Variants in RIMS2 observed in about 807,000 individuals in gnomAD.
RIMS2 encodes the protein regulating synaptic membrane exocytosis 2.
Under a neutral mutation model 174.4 loss-of-function variants are expected in RIMS2, and 59 were observed. The observed-to-expected ratio is 0.34, with a 90% CI of 0.27 to 0.42. RIMS2 has a LOEUF of 0.42. Ranked by LOEUF, RIMS2 falls within the 10% of genes least tolerant of loss-of-function variation. The pLI is 1.00. For missense variants in RIMS2, 1,620 were observed against 1,666.3 expected, an observed-to-expected ratio of 0.97 and a Z score of 0.48; for synonymous variants, 606 against 572.5, an observed-to-expected ratio of 1.06 and a Z score of -0.84.
intron 14 of RIMS2, among the ~76,000 whole-genome samples, chr8:103,949,164 A>C (rs1477658509): frequency 1.4e-5 from 2 of 145,254 alleles, no homozygotes. Context: ...GGGAAAGGGA[A>C]AGGGAAAGGG....
intron 1 of RIMS2, among the ~76,000 whole-genome samples, chr8:103,579,915 A>T (rs2093501827): frequency 6.6e-6 from 1 of 152,190 alleles, no homozygotes; most frequent in Non-Finnish European, 1.5e-5. Flanking sequence ...AGAGAGAGTG[A>T]AGACGGAGAT....
intron 19 of RIMS2, among the ~76,000 whole-genome samples, chr8:104,083,568 C>T (rs1010808008): frequency 3.9e-5 from 6 of 152,142 alleles, no homozygotes; most frequent in African/African-American, 9.7e-5. Context: ...TTCTTAGTGA[C>T]GGTTTCTTTA....
At chr8:103,508,589 TA>T (rs1824871378) in intron 1 of RIMS2, among the ~76,000 whole-genome samples, 1 of 151,986 alleles carries the variant, frequency 6.6e-6, no homozygotes, top group South Asian at 2.1e-4. Flanking sequence ...GTTCAGAGCC[TA>T]AAAAGCCTTC....
At chr8:103,817,712 C>T (rs2098726644) in intron 3 of RIMS2, among the ~76,000 whole-genome samples, 1 of 151,980 alleles carries the variant, frequency 6.6e-6, no homozygotes, top group Non-Finnish European at 1.5e-5. Context: ...GGGAGGCAGA[C>T]GTTGCAGTGA....
At chr8:103,594,423 C>T (rs975961479) in intron 1 of RIMS2, among the ~76,000 whole-genome samples, 11 of 151,530 alleles carry the variant, frequency 7.3e-5, no homozygotes, top group African/African-American at 2.7e-4. Context: ...GTTAATCAAT[C>T]AACAGTATGT....
At chr8:103,750,365 G>A (rs1165946447) in intron 2 of RIMS2, among the ~76,000 whole-genome samples, 1 of 152,060 alleles carries the variant, frequency 6.6e-6, no homozygotes, top group East Asian at 1.9e-4. Context: ...TCAGTTGACA[G>A]TTTTCTTTTC....
At chr8:103,822,036 A>G (rs1329855290) in intron 3 of RIMS2, among the ~76,000 whole-genome samples, 2 of 151,662 alleles carry the variant, frequency 1.3e-5, no homozygotes, top group Non-Finnish European at 3.0e-5. Context: ...TTGACATGGA[A>G]TATTCAATAT....
chr8:103,765,033 C>A (rs2098153931), intron 2 of RIMS2, among the ~76,000 whole-genome samples: 1 of 152,024 alleles, frequency 6.6e-6, no homozygotes, highest in Non-Finnish European at 1.5e-5. Context: ...TGGTATTTTA[C>A]AAAAACATTT....
chr8:103,652,252 TAA>T lies in RIMS2; in HGVS notation c.177-44833_177-44832del, dbSNP rs1227604879. 13 of 1,340,204 alleles carry T rather than the reference TAA, an allele frequency of 9.7e-6. No individual in the cohort carries two copies. Among genetic ancestry groups the T allele is most frequent in the Non-Finnish European group, 1.3e-5 (13 of 1,011,452 alleles). The allele number at this position is 1,340,204 out of a possible 1,614,324, so 83.0% of individuals were successfully genotyped here. Reference sequence around the variant, plus strand: ...CAACTGACACAGTAAGTAAATGTATTAAGAGTGTAGTAGGCTTGACTTCTGTA... The same window carrying T: ...CAACTGACACAGTAAGTAAATGTATTGAGTGTAGTAGGCTTGACTTCTGTA... On this transcript the variant is annotated intron_variant, in intron 1 of 23. Coordinates refer to ENST00000504942, the Ensembl canonical transcript of RIMS2.
intron 4 of RIMS2, among the ~76,000 whole-genome samples, chr8:103,892,554 A>G (rs2099252895): frequency 6.6e-6 from 1 of 152,042 alleles, no homozygotes; most frequent in Non-Finnish European, 1.5e-5. Context: ...TAAAAGTCAA[A>G]GATTGATTAT....
chr8:104,196,037 T>C (rs902782264), intron 19 of RIMS2, among the ~76,000 whole-genome samples: 13 of 152,174 alleles, frequency 8.5e-5, no homozygotes, highest in African/African-American at 3.1e-4. Context: ...AATATGACTA[T>C]AACATGAAGC....
intron 17 of RIMS2, among the ~76,000 whole-genome samples, chr8:104,011,369 A>G (rs1381616779): frequency 6.6e-6 from 1 of 152,084 alleles, no homozygotes; most frequent in Non-Finnish European, 1.5e-5. Context: ...TTTAATATAT[A>G]CTTTGTATTT....
intron 3 of RIMS2, among the ~76,000 whole-genome samples, chr8:103,801,050 T>G (rs1364776917): frequency 1.3e-5 from 2 of 152,172 alleles, no homozygotes; most frequent in African/African-American, 2.4e-5. Context: ...TGGAGTGCGG[T>G]GGCATGATCT....
intron 19 of RIMS2, among the ~76,000 whole-genome samples, chr8:104,217,163 T>C (rs2099133810): frequency 6.6e-6 from 1 of 152,236 alleles, no homozygotes; most frequent in Non-Finnish European, 1.5e-5. Context: ...TCAATAAGTT[T>C]ATTTTGTTAA....
chr8:103,956,228 T>G (rs540177131), intron 14 of RIMS2, among the ~76,000 whole-genome samples: 1 of 152,330 alleles, frequency 6.6e-6, no homozygotes, highest in Admixed American at 6.5e-5. Flanking sequence ...ATTGACTTTC[T>G]TCACAGAATT....
intron 19 of RIMS2, among the ~76,000 whole-genome samples, chr8:104,063,037 A>T (rs2097032927): frequency 6.6e-6 from 1 of 152,012 alleles, no homozygotes; most frequent in Non-Finnish European, 1.5e-5. Flanking sequence ...TACTTTTAAA[A>T]AATCAGTTAG....
At chr8:103,982,100 G>A (rs2093953439) in intron 16 of RIMS2, among the ~76,000 whole-genome samples, 1 of 152,074 alleles carries the variant, frequency 6.6e-6, no homozygotes, top group East Asian at 1.9e-4. Context: ...GAAATTCAAA[G>A]GATAATTAGT....
At chr8:103,888,699 C>T (rs530779321) in intron 4 of RIMS2, among the ~76,000 whole-genome samples, 2 of 151,550 alleles carry the variant, frequency 1.3e-5, no homozygotes, top group South Asian at 2.1e-4. Flanking sequence ...ATAAAAGTCT[C>T]ATATAAGTAA....
At chr8:103,763,532 A>G (rs1247969556) in intron 2 of RIMS2, among the ~76,000 whole-genome samples, 1 of 151,896 alleles carries the variant, frequency 6.6e-6, no homozygotes, top group East Asian at 1.9e-4. Flanking sequence ...AAGGAGGGAT[A>G]CGGAATAAGG....
Sources: allele counts gnomAD v4.1 joint callset (sites outside exome capture counted in the v4.1 genomes callset), GRCh38; gene constraint gnomAD v4.1.1; transcripts MANE v1.5; gene names NCBI Gene and HGNC (gene_info 2026-07-23, HGNC 2026-07-21).